The following INHBB variants were observed in gnomAD, a reference collection of about 807,000 sequenced individuals.
INHBB encodes the protein inhibin beta B chain.
In INHBB, 8 loss-of-function variants were observed where a neutral mutation model predicts 28.9. The observed-to-expected ratio is 0.28, with a 90% CI of 0.16 to 0.50. The LOEUF (loss-of-function observed/expected upper bound fraction) is 0.50, where lower values mean the gene tolerates loss of function less well. INHBB is among the 20% of genes least tolerant of loss of function. The pLI is 0.98. For missense variants in INHBB, 499 were observed against 597.8 expected (o/e 0.83, Z 1.72); for synonymous variants, 293 against 262.7 (o/e 1.12, Z -1.12).
rs1018730823 is a variant in INHBB at position 120,349,963 on chromosome 2, G to A, written c.*89G>A. ...CCCCGCGGGAACGGGGGTACACGGT[G>A]GGCTGAGTACAGTCATTCTGTTGGG... On this transcript the variant is annotated 3_prime_UTR_variant, in exon 2 of 2. Transcript: ENST00000295228. The surrounding 1 kb of genome is among the most constrained non-coding windows in gnomAD (Gnocchi z 5.6). 8.4e-6 allele frequency: 11 copies of A among 1,302,746 alleles called. No individual in the cohort carries two copies. The highest frequency in any genetic ancestry group is 5.8e-5 in the African/African-American group (4 of 68,386). The allele number at this position is 1,302,746 out of a possible 1,614,324, so 80.7% of individuals were successfully genotyped here.
Position 120,349,960 on chromosome 2 carries a change from G to T in INHBB, c.*86G>T. On this transcript the variant is annotated 3_prime_UTR_variant, in exon 2 of 2. Coordinates refer to ENST00000295228, the MANE Select transcript of INHBB (RefSeq NM_002193.4). This position sits in a 1 kb window ranked among gnomAD's most constrained non-coding sequence, Gnocchi z 5.6. ...AGCCCCCGCGGGAACGGGGGTACACGGTGGGCTGAGTACAGTCATTCTGTT... is the reference window on the plus strand; with the variant it reads ...AGCCCCCGCGGGAACGGGGGTACACTGTGGGCTGAGTACAGTCATTCTGTT... 16 of 1,319,254 alleles carry T rather than the reference G, an allele frequency of 1.2e-5. No individual in the cohort carries two copies. The highest frequency in any genetic ancestry group is 1.6e-5 in the Non-Finnish European group (15 of 950,010). 81.7% of individuals were successfully genotyped at this position (1,319,254 alleles called of 1,614,324 possible).
chr2:120,347,667 G>A (rs1228657328), intron 1 of INHBB, among the ~76,000 whole-genome samples: 2 of 152,204 alleles, frequency 1.3e-5, no homozygotes, highest in East Asian at 1.9e-4. Flanking sequence ...CAAGCGGGGA[G>A]CCTCGGTGGG....
In INHBB at chr2:120,349,281, A is replaced by T; in HGVS notation, c.631A>T (p.Arg211Trp). ...CTTCCAGGAGCAGGGCCACGGTGACAGGTGGAACATGGTGGAGAAGAGGGT... is the reference window on the plus strand; with the variant it reads ...CTTCCAGGAGCAGGGCCACGGTGACTGGTGGAACATGGTGGAGAAGAGGGT... ...VYFQEQGHGD[R>W]WNMVEKRVDL... is the part of the protein sequence containing the mutation. The change falls in exon 2 of 2, where the codon AGG (arginine) becomes TGG (tryptophan). Residue 211 changes from arginine (R) to tryptophan (W), a missense_variant. Physicochemically the swap from Arg to Trp is moderately radical, Grantham distance 101 (BLOSUM62 -3). Transcript: ENST00000295228. This position sits in a 1 kb window ranked among gnomAD's most constrained non-coding sequence, Gnocchi z 5.6. 6.2e-7 allele frequency: 1 copy of T among 1,614,196 alleles called. No individual in the cohort carries two copies. Among genetic ancestry groups the T allele is most frequent in the Non-Finnish European group, 8.5e-7 (1 of 1,180,048 alleles).
At position 120,346,356 on chromosome 2, in the gene INHBB, G is replaced by A; in HGVS notation, c.168G>A (p.Thr56=). ...GSPGGSQDTC[T]SCGGFRRPEE... Reference sequence around the variant, plus strand: ...CGGGTGGCTCGCAGGACACCTGTACGTCGTGCGGCGGCTTCCGGCGGCCAG... The same window carrying A: ...CGGGTGGCTCGCAGGACACCTGTACATCGTGCGGCGGCTTCCGGCGGCCAG... Residue 56 remains threonine, a synonymous_variant, in exon 1 of 2, where the codon ACG becomes ACA. Coordinates refer to ENST00000295228, the MANE Select transcript of INHBB (RefSeq NM_002193.4). 6.8e-7 allele frequency: 1 copy of A among 1,472,650 alleles called. No homozygotes were observed. Among genetic ancestry groups the A allele is most frequent in the Non-Finnish European group, 8.9e-7 (1 of 1,118,166 alleles). 91.2% of individuals were successfully genotyped at this position (1,472,650 alleles called of 1,614,324 possible).
Position 120,349,690 on chromosome 2 carries a change from C to T in INHBB, c.1040C>T (p.Ala347Val). ...TACCTGGCAGGGGTCCCCGGCTCTG[C>T]CTCCTCCTTCCACACGGCTGTGGTG... is the stretch of plus-strand genomic sequence containing the variant. ...PAYLAGVPGS[A>V]SSFHTAVVNQ... The change falls in exon 2 of 2, where the codon GCC becomes GTC. Residue 347 changes from alanine to valine, a missense_variant. Ala to Val is a moderately conservative substitution (Grantham distance 64, BLOSUM62 0). This residue lies in a region of INHBB where 114 missense variants were observed against 182.6 expected (regional missense o/e 0.62). Coordinates refer to ENST00000295228, the MANE Select transcript of INHBB (RefSeq NM_002193.4). This position sits in a 1 kb window ranked among gnomAD's most constrained non-coding sequence, Gnocchi z 5.6. The T allele has an allele frequency of 6.2e-7, 1 of 1,613,858 alleles. No individual in the cohort carries two copies. The highest frequency in any genetic ancestry group is 8.5e-7 in the Non-Finnish European group (1 of 1,180,036).
chr2:120,349,178 C>T lies in INHBB; in HGVS notation c.528C>T (p.Ala176=), dbSNP rs1446293965. The T allele has an allele frequency of 3.1e-6, 5 of 1,614,144 alleles. No individual in the cohort carries two copies. Among genetic ancestry groups the T allele is most frequent in the Non-Finnish European group, 4.2e-6 (5 of 1,180,040 alleles). Residue 176 remains alanine, a synonymous_variant, in exon 2 of 2, where the codon GCC becomes GCT. Transcript: ENST00000295228. The surrounding 1 kb of genome is among the most constrained non-coding windows in gnomAD (Gnocchi z 5.6). Reference sequence around the variant, plus strand: ...ACCAGAACCTGTTTGTGGTCCAGGCCAGCCTGTGGCTTTACCTGAAACTCC... The same window carrying T: ...ACCAGAACCTGTTTGTGGTCCAGGCTAGCCTGTGGCTTTACCTGAAACTCC... The part of the protein sequence containing the change: ...EGNQNLFVVQ[A]SLWLYLKLLP...
intron 1 of INHBB, 109 bp downstream of exon 1, chr2:120,346,745 G>A (rs1267649232): frequency 3.8e-5 from 45 of 1,174,200 alleles, no homozygotes; most frequent in Non-Finnish European, 4.8e-5. Context: ...GCGCCCTGGG[G>A]CAGCCTGGAC....
At position 120,349,144 on chromosome 2, in the gene INHBB, A is replaced by G. The variant is rs762936786; in HGVS notation, c.494A>G (p.Asn165Ser). 8.7e-6 allele frequency: 14 copies of G among 1,612,766 alleles called. No homozygotes were observed. The African/African-American group carries it at 1.1e-4, about 12-fold the overall frequency. ...SRVRLYFFIS[N>S]EGNQNLFVVQ... Reference sequence around the variant, plus strand: ...GTCCGCCTATACTTCTTCATCTCCAACGAAGGCAACCAGAACCTGTTTGTG... The same window carrying G: ...GTCCGCCTATACTTCTTCATCTCCAGCGAAGGCAACCAGAACCTGTTTGTG... Residue 165 changes from asparagine (N) to serine (S), a missense_variant, in exon 2 of 2, where the codon AAC (asparagine) becomes AGC (serine). By Grantham distance (46) the Asn-to-Ser change is conservative. Around this residue, in one of 2 missense-constraint regions of INHBB, gnomAD observed 385 missense variants for 415.2 expected, o/e 0.93. Transcript: ENST00000295228. This position sits in a 1 kb window ranked among gnomAD's most constrained non-coding sequence, Gnocchi z 5.6.
chr2:120,346,159 G>C lies in INHBB; in HGVS notation c.-30G>C, dbSNP rs1460814173. 9.0e-7 allele frequency: 1 copy of C among 1,109,192 alleles called. No homozygotes were observed. Among genetic ancestry groups the C allele is most frequent in the African/African-American group, 1.7e-5 (1 of 59,658 alleles). The allele number at this position is 1,109,192 out of a possible 1,614,324, so 68.7% of individuals were successfully genotyped here. ...CTCGGCTCGACTCGGCTCGCCTCGC[G>C]GCGGGCGCCCTCGTCGCCAGCGGCG... On this transcript the variant is annotated 5_prime_UTR_variant, in exon 1 of 2. Coordinates refer to ENST00000295228, the MANE Select transcript of INHBB (RefSeq NM_002193.4).
chr2:120,346,667 G>T, intron 1 of INHBB, 31 bp downstream of exon 1: 2 of 1,398,816 alleles, frequency 1.4e-6, no homozygotes, highest in Non-Finnish European at 9.2e-7. Context: ...GTCTGCCGCG[G>T]TCCCCGCTCG....
chr2:120,349,785 A>G lies in INHBB; in HGVS notation c.1135A>G (p.Thr379Ala). Residue 379 changes from threonine (T) to alanine (A), a missense_variant, in exon 2 of 2, where the codon ACC (threonine) becomes GCC (alanine). Physicochemically the swap from Thr to Ala is moderately conservative, Grantham distance 58 (BLOSUM62 0). Around this residue, in one of 2 missense-constraint regions of INHBB, gnomAD observed 114 missense variants for 182.6 expected, o/e 0.62. Transcript: ENST00000295228. The surrounding 1 kb of genome is among the most constrained non-coding windows in gnomAD (Gnocchi z 5.6). ...CTGCTGCATTCCCACCAAGCTGAGC[A>G]CCATGTCCATGCTGTACTTCGATGA... Reference protein sequence around the residue: ...NSCCIPTKLSTMSMLYFDDEY... With the variant: ...NSCCIPTKLSAMSMLYFDDEY... 7 of 1,613,304 alleles carry G rather than the reference A, an allele frequency of 4.3e-6. No individual in the cohort carries two copies. Among genetic ancestry groups the G allele is most frequent in the Non-Finnish European group, 5.9e-6 (7 of 1,180,016 alleles).
At chr2:120,346,774 G>A in intron 1 of INHBB, 138 bp downstream of exon 1, 1 of 900,048 alleles carries the variant, frequency 1.1e-6, no homozygotes, top group Non-Finnish European at 1.5e-6. Flanking sequence ...GAGCTCCTTC[G>A]GCCGTGGCCC....
At position 120,349,532 on chromosome 2, in the gene INHBB, G is replaced by A. The variant is rs1691222690; in HGVS notation, c.882G>A (p.Leu294=). 2 of 1,613,922 alleles carry A rather than the reference G, an allele frequency of 1.2e-6. No homozygotes were observed. The highest frequency in any genetic ancestry group is 1.7e-6 in the Non-Finnish European group (2 of 1,180,024). Residue 294 remains leucine, a synonymous_variant, in exon 2 of 2, where the codon CTG becomes CTA. Transcript: ENST00000295228. The surrounding 1 kb of genome is among the most constrained non-coding windows in gnomAD (Gnocchi z 5.6). ...DSRHRIRKRG[L]ECDGRTNLCC... is the part of the protein sequence containing the mutation. ...GGCACCGCATTCGCAAGCGAGGCCTGGAGTGCGATGGCCGGACCAACCTCT... is the reference window on the plus strand; with the variant it reads ...GGCACCGCATTCGCAAGCGAGGCCTAGAGTGCGATGGCCGGACCAACCTCT...
At position 120,349,186 on chromosome 2, in the gene INHBB, G is replaced by A; in HGVS notation, c.536G>A (p.Trp179Ter). ...CTGTTTGTGGTCCAGGCCAGCCTGT[G>A]GCTTTACCTGAAACTCCTGCCCTAC... The part of the protein sequence containing the change: ...QNLFVVQASL[W>*]LYLKLLPYVL... The change falls in exon 2 of 2, where the codon TGG becomes TAG. Residue 179 changes from tryptophan to a stop codon, truncating the protein, a stop_gained. Coordinates refer to ENST00000295228, the MANE Select transcript of INHBB (RefSeq NM_002193.4). LOFTEE classifies it high-confidence loss of function. This position sits in a 1 kb window ranked among gnomAD's most constrained non-coding sequence, Gnocchi z 5.6. 1 of 1,614,170 alleles carries A rather than the reference G, an allele frequency of 6.2e-7. No homozygotes were observed. The highest frequency in any genetic ancestry group is 8.5e-7 in the Non-Finnish European group (1 of 1,180,034).
Position 120,346,301 on chromosome 2 carries a change from C to A in INHBB, c.113C>A (p.Ala38Glu). ...CCCACGCCCCCGCCGACGCCTGCCG[C>A]GCCGCCGCCACCCCCGCCACCCGGA... ...GSPTPPPTPA[A>E]PPPPPPPGSP... The change falls in exon 1 of 2, where the codon GCG becomes GAG. Residue 38 changes from alanine to glutamate, a missense_variant. Physicochemically the swap from Ala to Glu is moderately radical, Grantham distance 107 (BLOSUM62 -1). Coordinates refer to ENST00000295228, the MANE Select transcript of INHBB (RefSeq NM_002193.4). 1 of 1,378,376 alleles carries A rather than the reference C, an allele frequency of 7.3e-7. No homozygotes were observed. The highest frequency in any genetic ancestry group is 1.7e-5 in the South Asian group (1 of 59,524). The allele number at this position is 1,378,376 out of a possible 1,614,324, so 85.4% of individuals were successfully genotyped here. A position where few individuals can be genotyped will look rare whatever the true frequency, so the allele number is the denominator to read the frequency against.
intron 1 of INHBB, among the ~76,000 whole-genome samples, 167 bp downstream of exon 1, chr2:120,346,803 T>C (rs1178463902): frequency 6.6e-6 from 1 of 152,120 alleles, no homozygotes; most frequent in African/African-American, 2.4e-5. Flanking sequence ...CCGCCCGGGT[T>C]GCAGTCCTCT....
Position 120,347,444 on chromosome 2 carries a change from A to G in INHBB, c.448+808A>G, listed in dbSNP as rs1318652329. Among the ~76,000 whole-genome samples the G allele has an allele frequency of 2.7e-5, 4 of 150,348 alleles. No homozygotes were observed. In the East Asian group the frequency reaches 7.8e-4, roughly 29 times the overall value. ...CAAATCTCTAACACTGTCTAAATAT[A>G]AAAATCAGGGAGAGAAAAATCTTTC... On this transcript the variant is annotated intron_variant, in intron 1 of 1. Coordinates refer to ENST00000295228, the MANE Select transcript of INHBB (RefSeq NM_002193.4).
chr2:120,346,318 C>T lies in INHBB; in HGVS notation c.130C>T (p.Pro44Ser). ...GCCTGCCGCGCCGCCGCCACCCCCG[C>T]CACCCGGATCCCCGGGTGGCTCGCA... ...PTPAAPPPPP[P>S]PGSPGGSQDT... Residue 44 changes from proline (P) to serine (S), a missense_variant, in exon 1 of 2, where the codon CCA (proline) becomes TCA (serine). By Grantham distance (74) the Pro-to-Ser change is moderately conservative. Around this residue, in one of 2 missense-constraint regions of INHBB, gnomAD observed 385 missense variants for 415.2 expected, o/e 0.93. Coordinates refer to ENST00000295228, the MANE Select transcript of INHBB (RefSeq NM_002193.4). The T allele has an allele frequency of 1.4e-5, 19 of 1,386,104 alleles. No individual in the cohort carries two copies. The highest frequency in any genetic ancestry group is 1.8e-5 in the Non-Finnish European group (19 of 1,077,122). The allele number at this position is 1,386,104 out of a possible 1,614,324, so 85.9% of individuals were successfully genotyped here.
At chr2:120,348,019 C>T (rs544187128) in intron 1 of INHBB, among the ~76,000 whole-genome samples, 1 of 152,160 alleles carries the variant, frequency 6.6e-6, no homozygotes, top group South Asian at 2.1e-4. Flanking sequence ...GGAGCCAGCT[C>T]TTTGACTTAT....
Sources: allele counts gnomAD v4.1 joint callset (sites outside exome capture counted in the v4.1 genomes callset), GRCh38; gene constraint gnomAD v4.1.1; regional missense constraint gnomAD v4.1.1; non-coding constraint Gnocchi (gnomAD v3.1); transcripts MANE v1.5; gene names NCBI Gene and HGNC (gene_info 2026-07-23, HGNC 2026-07-21).